CXCR6: variants seen among roughly 807,000 people sequenced by gnomAD.
CXCR6 encodes C-X-C motif chemokine receptor 6.
In CXCR6, 3 loss-of-function variants were observed where a neutral mutation model predicts 1.6. That is an observed-to-expected ratio of 1.83 (90% confidence interval 0.83 to 4.72). CXCR6 has a LOEUF of 4.72. CXCR6 is among the 30% of genes most tolerant of loss of function. The pLI, the probability that CXCR6 is intolerant of heterozygous loss-of-function variation, is 0.02. For missense variants in CXCR6, 326 were observed against 414.8 expected, an observed-to-expected ratio of 0.79 and a Z score of 1.86; for synonymous variants, 171 against 159.2, an observed-to-expected ratio of 1.07 and a Z score of -0.56.
At position 45,947,447 on chromosome 3, in the gene CXCR6, G is replaced by A; in HGVS notation, c.966G>A (p.Glu322=). The change falls in exon 2 of 2, where the codon GAG becomes GAA. Residue 322 remains glutamate (E), a synonymous_variant. Coordinates refer to ENST00000304552, the MANE Select transcript of CXCR6 (RefSeq NM_006564.2). ...TCTCACATCAATGGAAATCTTCTGA[G>A]GACAATTCCAAGACTTTTTCTGCCT... ...LGVSHQWKSS[E]DNSKTFSASH... The A allele has an allele frequency of 6.2e-7, 1 of 1,614,230 alleles. No homozygotes were observed. The highest frequency in any genetic ancestry group is 8.5e-7 in the Non-Finnish European group (1 of 1,180,044).
In CXCR6 at chr3:45,946,724, C is replaced by T. The variant is rs1704634898; in HGVS notation, c.243C>T (p.Val81=). The part of the protein sequence containing the change: ...VNLPLADLVF[V]CTLPFWAYAG... ...TACCCCTGGCTGACCTGGTGTTTGT[C>T]TGCACTCTGCCCTTCTGGGCCTATG... is the stretch of plus-strand genomic sequence containing the variant. Residue 81 remains valine, a synonymous_variant, in exon 2 of 2, where the codon GTC becomes GTT. Transcript: ENST00000304552. 2.5e-6 allele frequency: 4 copies of T among 1,614,248 alleles called. No individual in the cohort carries two copies. Among genetic ancestry groups the T allele is most frequent in the Non-Finnish European group, 3.4e-6 (4 of 1,180,044 alleles).
chr3:45,940,956 TTCTCCTGC>T (rs1225543900), upstream of CXCR6: 1 of 152,242 alleles, frequency 6.6e-6, no homozygotes, highest in African/African-American at 2.4e-5. Context: ...CGCGGTTTCC[TTCTCCTGC>T]TCTCCTGCTT....
upstream of CXCR6, among the ~76,000 whole-genome samples, chr3:45,942,343 G>A (rs1449460760): frequency 6.6e-6 from 1 of 152,192 alleles, no homozygotes; most frequent in Non-Finnish European, 1.5e-5. Flanking sequence ...ATCCAGCATA[G>A]GGCCAGGCTT....
chr3:45,946,393 T>C, intron 1 of CXCR6, 68 bp from the exon 2 acceptor site: 3 of 1,195,854 alleles, frequency 2.5e-6, no homozygotes, highest in South Asian at 2.8e-5. Context: ...ATGTGGTCAA[T>C]GGGATAGCAG....
intron 1 of CXCR6, chr3:45,945,451 T>G (rs1166163112): frequency 6.6e-6 from 1 of 152,216 alleles, no homozygotes; most frequent in Non-Finnish European, 1.5e-5. Context: ...CCATGGTCTT[T>G]GGCAGGGTCA....
chr3:45,945,027 T>C (rs536854535), intron 1 of CXCR6: 1 of 152,298 alleles, frequency 6.6e-6, no homozygotes, highest in Non-Finnish European at 1.5e-5. Flanking sequence ...GGATTTTTAT[T>C]AAGCAGTCTT....
chr3:45,946,939 T>C lies in CXCR6; in HGVS notation c.458T>C (p.Leu153Ser). 6.2e-7 allele frequency: 1 copy of C among 1,614,242 alleles called. No individual in the cohort carries two copies. The highest frequency in any genetic ancestry group is 8.5e-7 in the Non-Finnish European group (1 of 1,180,026). The change falls in exon 2 of 2, where the codon TTG becomes TCG. Residue 153 changes from leucine (L) to serine (S), a missense_variant. Leu to Ser is a moderately radical substitution (Grantham distance 145). Transcript: ENST00000304552. Reference sequence around the variant, plus strand: ...ATGACCTGGGGCAAGGTCACCAGCTTGCTCATCTGGGTGATATCCCTGCTG... The same window carrying C: ...ATGACCTGGGGCAAGGTCACCAGCTCGCTCATCTGGGTGATATCCCTGCTG... Reference protein sequence around the residue: ...KRMTWGKVTSLLIWVISLLVS... With the variant: ...KRMTWGKVTSSLIWVISLLVS...
At chr3:45,941,734 T>C (rs1704238845), upstream of CXCR6, among the ~76,000 whole-genome samples, 2 of 152,210 alleles carry the variant, frequency 1.3e-5, no homozygotes, top group Non-Finnish European at 2.9e-5. Context: ...TGGCTTGTTT[T>C]TCCCCATGGA....
chr3:45,943,311 T>C (rs927046041), upstream of CXCR6, among the ~76,000 whole-genome samples: 10 of 152,084 alleles, frequency 6.6e-5, no homozygotes, highest in African/African-American at 2.4e-4. Flanking sequence ...GAAGGGAGTG[T>C]GGGGTATCAG....
chr3:45,946,651 T>G lies in CXCR6; in HGVS notation c.170T>G (p.Ile57Ser). Residue 57 changes from isoleucine (I) to serine (S), a missense_variant, in exon 2 of 2, where the codon ATC becomes AGC. By Grantham distance (142) the Ile-to-Ser change is moderately radical. Transcript: ENST00000304552. ...AACTCTCTGGTGCTGGTCATATCCA[T>G]CTTCTACCATAAGTTGCAGAGCCTG... ...VGNSLVLVISIFYHKLQSLTD... is the reference protein window; with the variant it reads ...VGNSLVLVISSFYHKLQSLTD... The G allele has an allele frequency of 6.2e-7, 1 of 1,614,210 alleles. No homozygotes were observed. The highest frequency in any genetic ancestry group is 1.3e-5 in the African/African-American group (1 of 75,040).
upstream of CXCR6, among the ~76,000 whole-genome samples, chr3:45,942,342 A>G (rs758168469): frequency 8.5e-5 from 13 of 152,236 alleles, no homozygotes; most frequent in Non-Finnish European, 1.8e-4. Context: ...CATCCAGCAT[A>G]GGGCCAGGCT....
chr3:45,947,924 G>A lies in CXCR6; in HGVS notation c.*414G>A, dbSNP rs181269519. On this transcript the variant is annotated 3_prime_UTR_variant, in exon 2 of 2. Transcript: ENST00000304552. Reference sequence around the variant, plus strand: ...GGCTCTTCTGACTACTGGGCAAAGAGTGTAGATCAGAGCAGCAGTGAAAAC... The same window carrying A: ...GGCTCTTCTGACTACTGGGCAAAGAATGTAGATCAGAGCAGCAGTGAAAAC... 68 of 211,592 alleles carry A rather than the reference G, an allele frequency of 3.2e-4. No individual in the cohort carries two copies. Among genetic ancestry groups the A allele is most frequent in the Non-Finnish European group, 6.4e-4 (61 of 95,000 alleles). 13.1% of individuals were successfully genotyped at this position (211,592 alleles called of 1,614,324 possible).
At position 45,947,307 on chromosome 3, in the gene CXCR6, A is replaced by G; in HGVS notation, c.826A>G (p.Ile276Val). The G allele has an allele frequency of 1.2e-6, 2 of 1,614,174 alleles. No homozygotes were observed. Among genetic ancestry groups the G allele is most frequent in the South Asian group, 2.2e-5 (2 of 91,086 alleles). Reference sequence around the variant, plus strand: ...CTACACCATCATGGTGACAGAGGCCATCGCATACCTGAGGGCCTGCCTTAA... The same window carrying G: ...CTACACCATCATGGTGACAGAGGCCGTCGCATACCTGAGGGCCTGCCTTAA... ...FHYTIMVTEA[I>V]AYLRACLNPV... Residue 276 changes from isoleucine to valine, a missense_variant, in exon 2 of 2, where the codon ATC (isoleucine) becomes GTC (valine). By Grantham distance (29) the Ile-to-Val change is conservative. Transcript: ENST00000304552.
In CXCR6 at chr3:45,946,688, C is replaced by T; in HGVS notation, c.207C>T (p.Phe69=). 6.2e-7 allele frequency: 1 copy of T among 1,614,222 alleles called. No homozygotes were observed. Among genetic ancestry groups the T allele is most frequent in the Non-Finnish European group, 8.5e-7 (1 of 1,180,036 alleles). ...AGTTGCAGAGCCTGACGGATGTGTTCCTGGTGAACCTACCCCTGGCTGACC... is the reference window on the plus strand; with the variant it reads ...AGTTGCAGAGCCTGACGGATGTGTTTCTGGTGAACCTACCCCTGGCTGACC... The part of the protein sequence containing the change: ...YHKLQSLTDV[F]LVNLPLADLV... Residue 69 remains phenylalanine, a synonymous_variant, in exon 2 of 2, where the codon TTC becomes TTT. Transcript: ENST00000304552.
At position 45,946,875 on chromosome 3, in the gene CXCR6, G is replaced by A; in HGVS notation, c.394G>A (p.Val132Ile). ...CITVDRFIVV[V>I]KATKAYNQQA... ...CACTGTGGATCGTTTCATTGTAGTG[G>A]TTAAGGCCACCAAGGCCTACAACCA... The change falls in exon 2 of 2, where the codon GTT (valine) becomes ATT (isoleucine). Residue 132 changes from valine to isoleucine, a missense_variant. By Grantham distance (29) the Val-to-Ile change is conservative (BLOSUM62 3). Coordinates refer to ENST00000304552, the MANE Select transcript of CXCR6 (RefSeq NM_006564.2). The A allele has an allele frequency of 6.2e-7, 1 of 1,614,222 alleles. No individual in the cohort carries two copies. Among genetic ancestry groups the A allele is most frequent in the Non-Finnish European group, 8.5e-7 (1 of 1,180,038 alleles).
In CXCR6 at chr3:45,946,641, G is replaced by T. The variant is rs1171018217; in HGVS notation, c.160G>T (p.Val54Phe). The T allele has an allele frequency of 3.1e-6, 5 of 1,614,092 alleles. No individual in the cohort carries two copies. The African/African-American group carries it at 6.7e-5, about 22-fold the overall frequency. The change falls in exon 2 of 2, where the codon GTC (valine) becomes TTC (phenylalanine). Residue 54 changes from valine (V) to phenylalanine (F), a missense_variant. Coordinates refer to ENST00000304552, the MANE Select transcript of CXCR6 (RefSeq NM_006564.2). ...CGLVGNSLVL[V>F]ISIFYHKLQS... Reference sequence around the variant, plus strand: ...TCTGGTGGGGAACTCTCTGGTGCTGGTCATATCCATCTTCTACCATAAGTT... The same window carrying T: ...TCTGGTGGGGAACTCTCTGGTGCTGTTCATATCCATCTTCTACCATAAGTT...
intron 1 of CXCR6, among the ~76,000 whole-genome samples, chr3:45,944,753 C>A (rs1704472712): frequency 6.6e-6 from 1 of 152,032 alleles, no homozygotes. Flanking sequence ...CATAAGGGAC[C>A]AGCAAAAGCT....
Position 45,946,967 on chromosome 3 carries a change from T to C in CXCR6, c.486T>C (p.Val162=). The change falls in exon 2 of 2, where the codon GTT becomes GTC. Residue 162 remains valine, a synonymous_variant. Transcript: ENST00000304552. Reference sequence around the variant, plus strand: ...TCATCTGGGTGATATCCCTGCTGGTTTCCTTGCCCCAAATTATCTATGGCA... The same window carrying C: ...TCATCTGGGTGATATCCCTGCTGGTCTCCTTGCCCCAAATTATCTATGGCA... ...SLLIWVISLL[V]SLPQIIYGNV... 6.2e-7 allele frequency: 1 copy of C among 1,614,212 alleles called. No individual in the cohort carries two copies.
chr3:45,941,741 T>C (rs1006284562), upstream of CXCR6, among the ~76,000 whole-genome samples: 1 of 152,194 alleles, frequency 6.6e-6, no homozygotes, highest in Admixed American at 6.5e-5. Flanking sequence ...TTTTTCCCCA[T>C]GGAGTAGAAA....
Sources: allele counts gnomAD v4.1 joint callset (sites outside exome capture counted in the v4.1 genomes callset), GRCh38; gene constraint gnomAD v4.1.1; transcripts MANE v1.5; gene names NCBI Gene and HGNC (gene_info 2026-07-23, HGNC 2026-07-21).